Variants in CDH13 observed in about 807,000 individuals in gnomAD.
The protein encoded by CDH13 is cadherin-13.
A neutral mutation model predicts 63.8 loss-of-function variants in CDH13; 24 were observed. The observed-to-expected ratio is 0.38, with a 90% CI of 0.27 to 0.53. CDH13 has a LOEUF of 0.53. Ranked by LOEUF, CDH13 falls within the 20% of genes least tolerant of loss-of-function variation. The probability of loss-of-function intolerance (pLI) is 0.85; values close to 1 mark genes in which losing one functional copy is unlikely to be tolerated. For synonymous variants in CDH13, 503 were observed against 355.3 expected, an observed-to-expected ratio of 1.42 and a Z score of -4.67; for missense variants, 1,049 against 903.1, an observed-to-expected ratio of 1.16 and a Z score of -2.07.
chr16:83,757,589 T>A (rs941460498), intron 11 of CDH13, among the ~76,000 whole-genome samples: 5 of 151,960 alleles, frequency 3.3e-5, no homozygotes, highest in African/African-American at 1.2e-4. Context: ...AAAAAATTTT[T>A]AAAAATTGAA....
chr16:83,106,686 T>A (rs2034782505), intron 3 of CDH13, among the ~76,000 whole-genome samples: 1 of 152,160 alleles, frequency 6.6e-6, no homozygotes, highest in Non-Finnish European at 1.5e-5. Flanking sequence ...AAAGAAAACT[T>A]GGGAAGTATC....
chr16:83,348,833 A>G (rs765069041), intron 6 of CDH13, among the ~76,000 whole-genome samples: 1 of 152,214 alleles, frequency 6.6e-6, no homozygotes, highest in Non-Finnish European at 1.5e-5. Context: ...TGCTTAGGGA[A>G]CAGTAAATGT....
At chr16:83,539,368 C>T (rs769301769) in intron 7 of CDH13, among the ~76,000 whole-genome samples, 1 of 152,178 alleles carries the variant, frequency 6.6e-6, no homozygotes, top group African/African-American at 2.4e-5. Flanking sequence ...TGGTCATGCT[C>T]ACTCACTTGC....
chr16:83,059,478 A>G (rs967259445), intron 3 of CDH13, among the ~76,000 whole-genome samples: 1 of 152,170 alleles, frequency 6.6e-6, no homozygotes, highest in African/African-American at 2.4e-5. Flanking sequence ...TGCTGAAATC[A>G]GAGGTGACTG....
At chr16:83,534,586 CTG>C (rs1365561780) in intron 7 of CDH13, among the ~76,000 whole-genome samples, 1 of 152,226 alleles carries the variant, frequency 6.6e-6, no homozygotes, top group African/African-American at 2.4e-5. Flanking sequence ...CGATTGGCCC[CTG>C]TCACTTAGCA....
intron 10 of CDH13, among the ~76,000 whole-genome samples, chr16:83,708,338 C>T (rs1041198469): frequency 6.6e-6 from 1 of 152,238 alleles, no homozygotes; most frequent in African/African-American, 2.4e-5. Flanking sequence ...TGGGTTCAAC[C>T]TCATTATAAT....
intron 2 of CDH13, among the ~76,000 whole-genome samples, chr16:82,898,179 A>G (rs1455897913): frequency 2.0e-5 from 3 of 152,246 alleles, no homozygotes; most frequent in Non-Finnish European, 4.4e-5. Flanking sequence ...ATATTGTTAA[A>G]ATTAATTCCA....
chr16:82,951,391 A>T (rs1905276145), intron 2 of CDH13, among the ~76,000 whole-genome samples: 1 of 152,212 alleles, frequency 6.6e-6, no homozygotes, highest in Admixed American at 6.5e-5. Flanking sequence ...GTATAGATAC[A>T]AGAAATGGGT....
chr16:82,747,147 A>G (rs1371067973), intron 1 of CDH13, among the ~76,000 whole-genome samples: 1 of 152,186 alleles, frequency 6.6e-6, no homozygotes, highest in Non-Finnish European at 1.5e-5. Context: ...ATGTTGTTGT[A>G]CCATGATGAC....
chr16:83,340,811 C>A (rs2090705620), intron 5 of CDH13, among the ~76,000 whole-genome samples: 1 of 152,162 alleles, frequency 6.6e-6, no homozygotes, highest in Non-Finnish European at 1.5e-5. Context: ...TAAAATCCTG[C>A]AACATTGGAT....
chr16:83,220,269 A>G (rs1228388527), intron 5 of CDH13, among the ~76,000 whole-genome samples: 2 of 152,134 alleles, frequency 1.3e-5, no homozygotes, highest in South Asian at 2.1e-4. Flanking sequence ...GCGGTTCTTT[A>G]TTTTTAGATG....
intron 6 of CDH13, among the ~76,000 whole-genome samples, chr16:83,403,703 C>A (rs942332259): frequency 2.6e-5 from 4 of 152,052 alleles, no homozygotes; most frequent in African/African-American, 4.8e-5. Context: ...AGTATAATTT[C>A]CAGGCTATCT....
At chr16:83,303,962 A>C (rs2089812905) in intron 5 of CDH13, among the ~76,000 whole-genome samples, 1 of 152,172 alleles carries the variant, frequency 6.6e-6, no homozygotes, top group South Asian at 2.1e-4. Flanking sequence ...GACTTTGCCT[A>C]TCTGATAGGA....
At chr16:83,007,524 T>C (rs1913655985) in intron 2 of CDH13, among the ~76,000 whole-genome samples, 1 of 152,218 alleles carries the variant, frequency 6.6e-6, no homozygotes, top group South Asian at 2.1e-4. Context: ...GGCTAAAAAA[T>C]ACCTCGTAAG....
chr16:83,535,954 A>AG, intron 7 of CDH13, among the ~76,000 whole-genome samples: 1 of 5,124 alleles, frequency 2.0e-4, no homozygotes, highest in Non-Finnish European at 1.8e-3. Flanking sequence ...GAAGGAAGGA[A>AG]GAAAAGAAAA....
intron 1 of CDH13, among the ~76,000 whole-genome samples, chr16:82,655,460 A>T (rs1911189884): frequency 6.6e-6 from 1 of 152,176 alleles, no homozygotes; most frequent in Admixed American, 6.5e-5. Flanking sequence ...AGCAAGTGCA[A>T]AGTCCTAAAG....
At chr16:83,073,368 A>T (rs1246938485) in intron 3 of CDH13, among the ~76,000 whole-genome samples, 10 of 150,036 alleles carry the variant, frequency 6.7e-5, no homozygotes, top group Non-Finnish European at 1.2e-4. Context: ...AGAGAGAGAG[A>T]GAGAGAGAGC....
intron 5 of CDH13, among the ~76,000 whole-genome samples, chr16:83,317,364 C>G (rs992005505): frequency 6.6e-6 from 1 of 152,148 alleles, no homozygotes; most frequent in African/African-American, 2.4e-5. Context: ...GTGGAACTTA[C>G]CAGCAAGCTC....
rs150027362 is a variant in CDH13, at chr16:82,768,565, G to C, written c.46-89797G>C. Among the ~76,000 whole-genome samples the C allele has an allele frequency of 5.9e-5, 9 of 152,254 alleles. No individual in the cohort carries two copies. In the East Asian group the frequency reaches 1.5e-3, roughly 26 times the overall value. Reference sequence around the variant, plus strand: ...GTGCTTTTTATATCTTCAAAAATAGGGTATAGCCTTGATCTCTCTTCTTGC... The same window carrying C: ...GTGCTTTTTATATCTTCAAAAATAGCGTATAGCCTTGATCTCTCTTCTTGC... On this transcript the variant is annotated intron_variant, in intron 1 of 13. Coordinates refer to ENST00000567109, the MANE Select transcript of CDH13 (RefSeq NM_001257.5).
Sources: gnomAD v4.1 joint callset for allele counts (sites outside exome capture counted in the v4.1 genomes callset) on GRCh38, gnomAD v4.1.1 for gene constraint, MANE v1.5 for transcripts, NCBI Gene and HGNC (gene_info 2026-07-23, HGNC 2026-07-21) for gene names.